The following KDM6A variants were observed in gnomAD, a reference collection of about 807,000 sequenced individuals.
KDM6A encodes lysine demethylase 6A.
Under a neutral mutation model 117.6 loss-of-function variants are expected in KDM6A, and 11 were observed. That is an observed-to-expected ratio of 0.09 (90% confidence interval 0.06 to 0.15). KDM6A has a LOEUF of 0.15. Among genes scored for constraint, KDM6A ranks in the 10% least tolerant of loss-of-function variants. The probability of loss-of-function intolerance (pLI) is 1.00; values close to 1 mark genes in which losing one functional copy is unlikely to be tolerated. For missense variants in KDM6A, 799 were observed against 1,077.3 expected (o/e 0.74, Z 3.62); for synonymous variants, 384 against 396.1 (o/e 0.97, Z 0.36).
At chrX:45,008,913 A>C (rs2041632540) in intron 4 of KDM6A, among the ~76,000 whole-genome samples, 1 of 112,259 alleles carries the variant, frequency 8.9e-6, no homozygotes, top group South Asian at 3.7e-4. Context: ...ATGAGGACTT[A>C]ATAAAATGAA....
At chrX:45,092,256 G>A (rs747720373) in intron 27 of KDM6A, among the ~76,000 whole-genome samples, 1 of 111,403 alleles carries the variant, frequency 9.0e-6, no homozygotes, top group African/African-American at 3.3e-5. Context: ...CTTAAAGGTA[G>A]TTCAAGGTAC....
At chrX:44,932,170 C>G (rs2036671301) in intron 2 of KDM6A, among the ~76,000 whole-genome samples, 1 of 87,916 alleles carries the variant, frequency 1.1e-5, no homozygotes, top group African/African-American at 4.5e-5. Flanking sequence ...TCTCGGCTTA[C>G]TGCAACCTCC....
chrX:44,888,084 A>T (rs1379878981), intron 2 of KDM6A, among the ~76,000 whole-genome samples: 2 of 111,104 alleles, frequency 1.8e-5, no homozygotes, highest in African/African-American at 6.5e-5. Context: ...AGGCGGGTGG[A>T]TCATGAGGTT....
At chrX:45,084,327 G>T (rs1056659635) in intron 24 of KDM6A, among the ~76,000 whole-genome samples, 2 of 111,633 alleles carry the variant, frequency 1.8e-5, no homozygotes, top group Non-Finnish European at 3.8e-5. Flanking sequence ...AATTTCACAG[G>T]GTGATATTCA....
intron 5 of KDM6A, among the ~76,000 whole-genome samples, chrX:45,012,031 C>T (rs2041780735): frequency 9.1e-6 from 1 of 110,245 alleles, no homozygotes; most frequent in Admixed American, 9.7e-5. Context: ...AGGGCATGCT[C>T]CCACCTCAGC....
In KDM6A at chrX:44,911,515, C is replaced by T. The variant is rs781218084; in HGVS notation, c.225+37528C>T. ...CTCACTTCCTGGACGGGATGGCGGCCGGGAAGAGGCGCTCCTGACTTCCCA... is the reference window on the plus strand; with the variant it reads ...CTCACTTCCTGGACGGGATGGCGGCTGGGAAGAGGCGCTCCTGACTTCCCA... On this transcript the variant is annotated intron_variant, in intron 2 of 29. Transcript: ENST00000611820. Among the ~76,000 whole-genome samples, 238 of 108,625 alleles carry T rather than the reference C, an allele frequency of 2.2e-3. 1 individual carries two copies. The highest frequency in any genetic ancestry group is 7.4e-3 in the African/African-American group (221 of 29,710). The allele number at this position is 108,625 out of a possible 115,157, so 94.3% of individuals were successfully genotyped here.
At chrX:45,010,484 T>C (rs2041708560) in intron 4 of KDM6A, among the ~76,000 whole-genome samples, 1 of 111,677 alleles carries the variant, frequency 9.0e-6, no homozygotes, top group African/African-American at 3.3e-5. Context: ...GCACAAGATG[T>C]TAATGCCTAG....
At chrX:45,110,342 T>C (rs932701927) in intron 29 of KDM6A, 93 bp downstream of exon 29, 2 of 810,043 alleles carry the variant, frequency 2.5e-6, no homozygotes, top group Non-Finnish European at 3.7e-6. Context: ...TAATGAAATA[T>C]TTTAAATTTT....
chrX:45,040,826 T>A (rs1354320905), intron 8 of KDM6A, among the ~76,000 whole-genome samples: 1 of 33,588 alleles, frequency 3.0e-5, no homozygotes, highest in East Asian at 1.0e-3. Context: ...GGGGGGCTGA[T>A]CCCCCCACCT....
Position 45,069,783 on chromosome X carries a change from C to A in KDM6A, c.2284C>A (p.Gln762Lys), listed in dbSNP as rs1358181248. The A allele has an allele frequency of 3.3e-6, 4 of 1,210,449 alleles. No individual in the cohort carries two copies. Among genetic ancestry groups the A allele is most frequent in the South Asian group, 3.5e-5 (2 of 56,892 alleles). Residue 762 changes from glutamine to lysine, a missense_variant, in exon 18 of 30, where the codon CAA becomes AAA. This residue lies in a region of KDM6A where 301 missense variants were observed against 318.3 expected (regional missense o/e 0.95). Coordinates refer to ENST00000611820, the MANE Select transcript of KDM6A (RefSeq NM_001291415.2). ...TCACACTGCTACCTCAGGTGGACAA[C>A]AAGGCATTACCTTAACCAAAGAGAG... is the stretch of plus-strand genomic sequence containing the variant. Reference protein sequence around the residue: ...SSHTATSGGQQGITLTKESKP... With the variant: ...SSHTATSGGQKGITLTKESKP...
chrX:44,985,283 G>A (rs1017024154), intron 4 of KDM6A, among the ~76,000 whole-genome samples: 2 of 111,834 alleles, frequency 1.8e-5, no homozygotes, highest in African/African-American at 6.5e-5. Context: ...TGCTGAAGTT[G>A]CCTATCAGCT....
rs1201800073 is a variant in KDM6A at position 45,112,764 on chromosome X, T to C, written c.*1353T>C. Among the ~76,000 whole-genome samples, 1 of 111,270 alleles carries C rather than the reference T, an allele frequency of 9.0e-6. No individual in the cohort carries two copies. Among genetic ancestry groups the C allele is most frequent in the Non-Finnish European group, 1.9e-5 (1 of 52,982 alleles). On this transcript the variant is annotated 3_prime_UTR_variant, in exon 30 of 30. Transcript: ENST00000611820. ...TTAGAATGCAAATAAATTAAGAGACTTATTTTTTAATGTTAGGCAGTTTTG... is the reference window on the plus strand; with the variant it reads ...TTAGAATGCAAATAAATTAAGAGACCTATTTTTTAATGTTAGGCAGTTTTG...
intron 2 of KDM6A, among the ~76,000 whole-genome samples, chrX:44,878,836 C>T (rs2146495965): frequency 9.1e-6 from 1 of 110,472 alleles, no homozygotes; most frequent in Non-Finnish European, 1.9e-5. Flanking sequence ...ATTCTTATGC[C>T]TCAGCCTCTT....
At position 44,873,964 on chromosome X, in the gene KDM6A, A is replaced by G; in HGVS notation, c.202A>G (p.Arg68Gly). 8.3e-7 allele frequency: 1 copy of G among 1,211,272 alleles called. No individual in the cohort carries two copies. Among genetic ancestry groups the G allele is most frequent in the South Asian group, 1.8e-5 (1 of 56,982 alleles). The change falls in exon 2 of 30, where the codon AGG (arginine) becomes GGG (glycine). Residue 68 changes from arginine to glycine, a missense_variant. By Grantham distance (125) the Arg-to-Gly change is moderately radical (BLOSUM62 -2). Around this residue, in one of 8 missense-constraint regions of KDM6A, gnomAD observed 89 missense variants for 117.8 expected, o/e 0.76. Coordinates refer to ENST00000611820, the MANE Select transcript of KDM6A (RefSeq NM_001291415.2). ...GFVRFHEDGA[R>G]TKALLGKAVR... ...CGTGAGATTTCATGAAGATGGCGCC[A>G]GGACGAAGGCCCTACTGGGCAAGGT... is the stretch of plus-strand genomic sequence containing the variant.
At chrX:45,087,076 C>T (rs751521979) in intron 25 of KDM6A, among the ~76,000 whole-genome samples, 10 of 112,907 alleles carry the variant, frequency 8.9e-5, no homozygotes, top group South Asian at 7.2e-4. Context: ...CTGCAGCCTC[C>T]GCCTCCCAGG....
chrX:45,026,851 A>G (rs2042389163), intron 6 of KDM6A, among the ~76,000 whole-genome samples: 1 of 107,547 alleles, frequency 9.3e-6, no homozygotes, highest in Non-Finnish European at 1.9e-5. Flanking sequence ...AAAAAAAAAG[A>G]TACTGTGAAC....
At chrX:44,876,874 C>T (rs1008590812) in intron 2 of KDM6A, among the ~76,000 whole-genome samples, 3 of 110,701 alleles carry the variant, frequency 2.7e-5, no homozygotes, top group Admixed American at 9.7e-5. Context: ...TATATACACA[C>T]GTGTACATAT....
intron 17 of KDM6A, among the ~76,000 whole-genome samples, chrX:45,064,509 A>G (rs2044445347): frequency 1.8e-5 from 2 of 112,496 alleles, no homozygotes; most frequent in Non-Finnish European, 3.8e-5. Flanking sequence ...TAATGTATTC[A>G]ACGTTAGCAC....
chrX:45,068,394 T>A (rs1208694416), intron 17 of KDM6A, among the ~76,000 whole-genome samples: 8 of 110,717 alleles, frequency 7.2e-5, no homozygotes, highest in Non-Finnish European at 1.1e-4. Flanking sequence ...CTAAGTGATC[T>A]TCCTCTAGTC....
Sources: allele counts gnomAD v4.1 joint callset (sites outside exome capture counted in the v4.1 genomes callset), GRCh38; gene constraint gnomAD v4.1.1; regional missense constraint gnomAD v4.1.1; transcripts MANE v1.5; gene names NCBI Gene and HGNC (gene_info 2026-07-23, HGNC 2026-07-21).